HADHB: variants seen among roughly 807,000 people sequenced by gnomAD.
The protein encoded by HADHB is trifunctional enzyme subunit beta, mitochondrial.
Under a neutral mutation model 61.9 loss-of-function variants are expected in HADHB, and 50 were observed. The ratio of observed to expected loss-of-function variants is 0.81; its 90% CI spans 0.64 to 1.02. HADHB has a LOEUF of 1.02. Ranked by LOEUF, HADHB falls within the 50% of genes least tolerant of loss-of-function variation. The probability of loss-of-function intolerance (pLI) is 0.00; values close to 1 mark genes in which losing one functional copy is unlikely to be tolerated. For synonymous variants in HADHB, 191 were observed against 201.6 expected, an observed-to-expected ratio of 0.95 and a Z score of 0.45; for missense variants, 504 against 586.5, an observed-to-expected ratio of 0.86 and a Z score of 1.45.
chr2:26,270,427 T>G (rs1574656060), intron 5 of HADHB, among the ~76,000 whole-genome samples: 1 of 152,242 alleles, frequency 6.6e-6, no homozygotes, highest in Non-Finnish European at 1.5e-5. Flanking sequence ...TGTTGCTGTT[T>G]CATAACATGT....
chr2:26,287,621 A>G (rs1057486117), intron 15 of HADHB, among the ~76,000 whole-genome samples: 1 of 152,226 alleles, frequency 6.6e-6, no homozygotes, highest in Admixed American at 6.5e-5. Context: ...TGAAGAGAGA[A>G]GATAAGATGC....
rs1203435195 is a variant in HADHB, at chr2:26,248,811, C to T, written c.-9+3821C>T. Among the ~76,000 whole-genome samples the T allele has an allele frequency of 5.3e-5, 8 of 152,218 alleles. No homozygotes were observed. In the East Asian group the frequency reaches 1.5e-3, roughly 29 times the overall value. On this transcript the variant is annotated intron_variant, in intron 1 of 15. Coordinates refer to ENST00000317799, the MANE Select transcript of HADHB (RefSeq NM_000183.3). ...GTGGCTCATGCCTGTAATCCCAGCA[C>T]TTTGGGAGGCAGAGGCGGGCGGATC... is the stretch of plus-strand genomic sequence containing the variant.
intron 4 of HADHB, among the ~76,000 whole-genome samples, chr2:26,264,330 C>G (rs1398939309): frequency 6.6e-6 from 1 of 152,038 alleles, no homozygotes; most frequent in East Asian, 1.9e-4. Flanking sequence ...AAGAGGATTA[C>G]TTGAGCCCAG....
intron 4 of HADHB, among the ~76,000 whole-genome samples, chr2:26,268,657 AT>A (rs1186427713): frequency 6.6e-6 from 1 of 152,210 alleles, no homozygotes; most frequent in Non-Finnish European, 1.5e-5. Flanking sequence ...ACTGTCACAA[AT>A]TGGAGGAGAC....
At chr2:26,267,241 A>G (rs1053066070) in intron 4 of HADHB, among the ~76,000 whole-genome samples, 1 of 152,128 alleles carries the variant, frequency 6.6e-6, no homozygotes, top group Non-Finnish European at 1.5e-5. Flanking sequence ...CTTCAATACA[A>G]AGAACCAGAG....
intron 15 of HADHB, among the ~76,000 whole-genome samples, chr2:26,286,905 A>T (rs1673058488): frequency 6.7e-6 from 1 of 149,980 alleles, no homozygotes; most frequent in African/African-American, 2.5e-5. Context: ...ATGAATAAAT[A>T]TTTAAAAGCA....
intron 1 of HADHB, among the ~76,000 whole-genome samples, chr2:26,246,425 C>T (rs1671163204): frequency 1.3e-5 from 2 of 151,758 alleles, no homozygotes; most frequent in African/African-American, 4.8e-5. Flanking sequence ...TCACTGCAGC[C>T]TCCTCCCGGG....
chr2:26,278,820 G>A lies in HADHB; in HGVS notation c.630+19G>A, dbSNP rs745878042. Reference sequence around the variant, plus strand: ...ACCTGAGGTAAGGCTTGTGTTTGCAGGGCATCCCACTGCAGAGATTTAGAA... The same window carrying A: ...ACCTGAGGTAAGGCTTGTGTTTGCAAGGCATCCCACTGCAGAGATTTAGAA... On this transcript the variant is annotated intron_variant, in intron 8 of 15. Transcript: ENST00000317799. 1.1e-5 allele frequency: 18 copies of A among 1,602,350 alleles called. No individual in the cohort carries two copies. The highest frequency in any genetic ancestry group is 1.5e-5 in the Non-Finnish European group (18 of 1,169,322).
intron 5 of HADHB, among the ~76,000 whole-genome samples, chr2:26,271,525 A>T (rs760681717): frequency 1.3e-5 from 2 of 152,052 alleles, no homozygotes; most frequent in African/African-American, 2.4e-5. Context: ...AAAAATAAAA[A>T]ACCACACACA....
rs200478355 is a variant in HADHB, at chr2:26,282,856, A to G, written c.945A>G (p.Ala315=). The part of the protein sequence containing the change: ...AANSSFLTDG[A]SAMLIMAEEK... ...GGTTAACATTTCAGACTGATGGTGC[A>G]TCTGCAATGTTAATCATGGCGGAGG... is the stretch of plus-strand genomic sequence containing the variant. Residue 315 remains alanine (A), a synonymous_variant, in exon 11 of 16, where the codon GCA becomes GCG. Transcript: ENST00000317799. The G allele has an allele frequency of 2.1e-5, 34 of 1,610,356 alleles. No individual in the cohort carries two copies. Among genetic ancestry groups the G allele is most frequent in the Non-Finnish European group, 2.8e-5 (33 of 1,177,136 alleles).
At chr2:26,253,471 G>T (rs1304853668) in intron 1 of HADHB, among the ~76,000 whole-genome samples, 1 of 152,106 alleles carries the variant, frequency 6.6e-6, no homozygotes, top group Admixed American at 6.5e-5. Context: ...AATACTAATG[G>T]TTTTATTATC....
rs527682102 is a variant in HADHB, at chr2:26,259,492, C to T, written c.110-3888C>T. Among the ~76,000 whole-genome samples the T allele has an allele frequency of 2.6e-5, 4 of 152,180 alleles. No homozygotes were observed. The East Asian group carries it at 7.7e-4, about 29-fold the overall frequency. On this transcript the variant is annotated intron_variant, in intron 3 of 15. Coordinates refer to ENST00000317799, the MANE Select transcript of HADHB (RefSeq NM_000183.3). ...AAATAAGCTAGTTTAAGATACGTTC[C>T]CCTACACTCCCTTGTACCTACTCCT...
intron 7 of HADHB, 72 bp downstream of exon 7, chr2:26,277,232 A>ATTT: frequency 1.9e-6 from 1 of 515,486 alleles, no homozygotes; most frequent in Non-Finnish European, 3.2e-6. Flanking sequence ...ATAAAAATGT[A>ATTT]CTTTTTTTTT....
intron 3 of HADHB, among the ~76,000 whole-genome samples, chr2:26,258,281 G>A (rs183905983): frequency 4.3e-4 from 66 of 152,260 alleles, no homozygotes; most frequent in East Asian, 3.3e-3. Flanking sequence ...CCAAGATGGC[G>A]GCAAGCCTTT....
chr2:26,289,965 G>A lies in HADHB; in HGVS notation c.*12G>A. ...CTTATCCAAAATAATAGATCCAGAA[G>A]AAGTGACCTGAAGTTTCTGTGCAAC... On this transcript the variant is annotated 3_prime_UTR_variant, in exon 16 of 16. Transcript: ENST00000317799. The A allele has an allele frequency of 6.3e-7, 1 of 1,575,204 alleles. No individual in the cohort carries two copies.
At chr2:26,265,711 C>A (rs573814106) in intron 4 of HADHB, among the ~76,000 whole-genome samples, 1 of 152,234 alleles carries the variant, frequency 6.6e-6, no homozygotes, top group African/African-American at 2.4e-5. Context: ...GAGGTATTTA[C>A]CAAATTGGCA....
chr2:26,257,010 C>G (rs1437147321), intron 3 of HADHB, among the ~76,000 whole-genome samples: 1 of 152,010 alleles, frequency 6.6e-6, no homozygotes, highest in East Asian at 1.9e-4. Flanking sequence ...TCTGTTTTCT[C>G]TAATGCTTTT....
chr2:26,273,870 T>C (rs1219855259), intron 6 of HADHB, 120 bp downstream of exon 6: 1 of 695,564 alleles, frequency 1.4e-6, no homozygotes, highest in Non-Finnish European at 2.6e-6. Flanking sequence ...TGACCTAAAA[T>C]GTGATTTTAC....
chr2:26,288,160 AGGAG>A (rs1343660768), intron 15 of HADHB, among the ~76,000 whole-genome samples: 1 of 150,940 alleles, frequency 6.6e-6, no homozygotes, highest in Admixed American at 6.6e-5. Flanking sequence ...CCAGTTACTC[AGGAG>A]GGAGGTGAGA....
Sources: allele counts gnomAD v4.1 joint callset (sites outside exome capture counted in the v4.1 genomes callset), GRCh38; gene constraint gnomAD v4.1.1; transcripts MANE v1.5; gene names NCBI Gene and HGNC (gene_info 2026-07-23, HGNC 2026-07-21).